Variants in ADGRG4 observed in about 807,000 individuals in gnomAD.
ADGRG4 encodes the protein G protein-coupled receptor 112.
ADGRG4 carries 122 observed loss-of-function variants against 126.2 expected under a neutral mutation model. The observed-to-expected ratio is 0.97, with a 90% CI of 0.83 to 1.12. The LOEUF (loss-of-function observed/expected upper bound fraction) is 1.12, where lower values mean the gene tolerates loss of function less well. Among genes scored for constraint, ADGRG4 ranks in the 50% most tolerant of loss-of-function variants. The probability of loss-of-function intolerance (pLI) is 0.00; values close to 1 mark genes in which losing one functional copy is unlikely to be tolerated. For missense variants in ADGRG4, 2,481 were observed against 2,251.8 expected, an observed-to-expected ratio of 1.10 and a Z score of -2.06; for synonymous variants, 943 against 838.7, an observed-to-expected ratio of 1.12 and a Z score of -2.15.
intron 13 of ADGRG4, among the ~76,000 whole-genome samples, chrX:136,368,719 G>C (rs1374561707): frequency 8.9e-6 from 1 of 112,418 alleles, no homozygotes; most frequent in Admixed American, 9.4e-5. Context: ...AGATATATTA[G>C]ATATGTAAAT....
At chrX:136,395,573 A>T in intron 19 of ADGRG4, 80 bp downstream of exon 19, 1 of 508,981 alleles carries the variant, frequency 2.0e-6, no homozygotes, top group Non-Finnish European at 3.2e-6. Flanking sequence ...AACTGTTATT[A>T]AAAAATGGTA....
In ADGRG4 at chrX:136,387,706, A is replaced by G. The variant is rs2075299276; in HGVS notation, c.7777-34A>G. On this transcript the variant is annotated intron_variant, in intron 15 of 25. Coordinates refer to ENST00000394143, the MANE Select transcript of ADGRG4 (RefSeq NM_153834.4). ...CAGGACTTCACTATGATGAATGAAG[A>G]CTCCAATTTTCATTTTTTGGCTTTT... 2.5e-6 allele frequency: 3 copies of G among 1,190,120 alleles called. No individual in the cohort carries two copies. In the Admixed American group the frequency reaches 6.8e-5, roughly 27 times the overall value.
intron 2 of ADGRG4, among the ~76,000 whole-genome samples, chrX:136,304,644 A>G (rs962089651): frequency 8.9e-6 from 1 of 112,357 alleles, no homozygotes; most frequent in Non-Finnish European, 1.9e-5. Context: ...ACACTCTAGT[A>G]GGGGAGAAAG....
At position 136,359,379 on chromosome X, in the gene ADGRG4, C is replaced by A; in HGVS notation, c.7068C>A (p.Asn2356Lys). The A allele has an allele frequency of 5.8e-6, 7 of 1,207,348 alleles. No homozygotes were observed. Among genetic ancestry groups the A allele is most frequent in the Non-Finnish European group, 7.8e-6 (7 of 891,751 alleles). The change falls in exon 11 of 26, where the codon AAC becomes AAA. Residue 2356 changes from asparagine to lysine, a missense_variant. By Grantham distance (94) the Asn-to-Lys change is moderately conservative. Coordinates refer to ENST00000394143, the MANE Select transcript of ADGRG4 (RefSeq NM_153834.4). ...MRKIKSKIHGNFTHGNFTQDQ... is the reference protein window; with the variant it reads ...MRKIKSKIHGKFTHGNFTQDQ... ...AAATCAAAAGTAAAATACATGGCAA[C>A]TTCACACATGGAAACTTCACACAAG...
chrX:136,342,921 T>TGTGTGTGAGAGA (rs1251871214), intron 5 of ADGRG4, among the ~76,000 whole-genome samples: 40 of 84,306 alleles, frequency 4.7e-4, no homozygotes, highest in Admixed American at 5.4e-4. Flanking sequence ...TGTGTGTGTG[T>TGTGTGTGAGAGA]GAGAGAGAGA....
intron 23 of ADGRG4, among the ~76,000 whole-genome samples, chrX:136,406,792 G>A (rs528986804): frequency 1.8e-5 from 2 of 110,485 alleles, no homozygotes; most frequent in East Asian, 5.7e-4. Flanking sequence ...GTGTGTGCCT[G>A]TAGTCCCAGC....
In ADGRG4 at chrX:136,393,586, T is replaced by C. The variant is rs745526835; in HGVS notation, c.8080+6T>C. The C allele has an allele frequency of 8.4e-7, 1 of 1,188,000 alleles. No individual in the cohort carries two copies. Among genetic ancestry groups the C allele is most frequent in the South Asian group, 1.8e-5 (1 of 55,601 alleles). On this transcript the variant is annotated splice_donor_region_variant and intron_variant, in intron 18 of 25. Transcript: ENST00000394143. ...TTGGGATTTTGAGAATAATAGTAAGTATTTTTGTTAGCAACTTTGACTTTG... is the reference window on the plus strand; with the variant it reads ...TTGGGATTTTGAGAATAATAGTAAGCATTTTTGTTAGCAACTTTGACTTTG...
chrX:136,317,567 A>G lies in ADGRG4; in HGVS notation c.71-5211A>G, dbSNP rs181578341. ...TGACACCAAAAGCATGAGCAATAAA[A>G]GAAAAGAAAAATTCGATACATTGAA... On this transcript the variant is annotated intron_variant, in intron 4 of 25. Transcript: ENST00000394143. Among the ~76,000 whole-genome samples the G allele has an allele frequency of 1.0e-4, 11 of 110,464 alleles. No individual in the cohort carries two copies. In the East Asian group the frequency reaches 2.5e-3, roughly 25 times the overall value.
intron 20 of ADGRG4, among the ~76,000 whole-genome samples, chrX:136,399,351 G>A (rs1184675090): frequency 1.8e-5 from 2 of 111,879 alleles, no homozygotes; most frequent in Non-Finnish European, 3.8e-5. Context: ...ATAATCAAAG[G>A]GGGTAATACT....
At chrX:136,389,812 C>A (rs1476078752) in intron 16 of ADGRG4, among the ~76,000 whole-genome samples, 1 of 112,071 alleles carries the variant, frequency 8.9e-6, no homozygotes, top group Non-Finnish European at 1.9e-5. Context: ...TCTCATGGAA[C>A]TTCCAGTCTG....
chrX:136,352,860 T>G (rs2075071029), intron 7 of ADGRG4, among the ~76,000 whole-genome samples: 1 of 112,217 alleles, frequency 8.9e-6, no homozygotes, highest in Admixed American at 9.4e-5. Flanking sequence ...CAACAGATGT[T>G]TATTTTCTCA....
chrX:136,402,162 A>G (rs2075382782), intron 21 of ADGRG4, among the ~76,000 whole-genome samples: 1 of 112,624 alleles, frequency 8.9e-6, no homozygotes, highest in African/African-American at 3.2e-5. Context: ...TGCCAAAGCA[A>G]CCTGTTGGAA....
intron 5 of ADGRG4, among the ~76,000 whole-genome samples, chrX:136,326,642 G>T (rs1205474995): frequency 1.8e-5 from 2 of 111,110 alleles, no homozygotes; most frequent in African/African-American, 6.6e-5. Flanking sequence ...GTCATTGCCT[G>T]CCTCACCACT....
rs2075022584 is a variant in ADGRG4, at chrX:136,347,078, T to C, written c.3372T>C (p.Ala1124=). The C allele has an allele frequency of 1.7e-6, 2 of 1,210,851 alleles. No homozygotes were observed. Among genetic ancestry groups the C allele is most frequent in the East Asian group, 5.9e-5 (2 of 33,835 alleles). The part of the protein sequence containing the change: ...LRLSTPVTAK[A]ETTLFSTSVD... ...TCTCCACTCCTGTGACAGCTAAGGC[T>C]GAGACCACCCTTTTCTCTACCTCAG... The change falls in exon 6 of 26, where the codon GCT becomes GCC. Residue 1124 remains alanine (A), a synonymous_variant. Transcript: ENST00000394143.
At chrX:136,394,329 G>T (rs1569336460) in intron 18 of ADGRG4, among the ~76,000 whole-genome samples, 1 of 112,014 alleles carries the variant, frequency 8.9e-6, no homozygotes, top group East Asian at 2.8e-4. Context: ...CCAAATCTCA[G>T]AGAATTTCCA....
rs750135894 is a variant in ADGRG4 at position 136,349,366 on chromosome X, C to T, written c.5660C>T (p.Thr1887Ile). The change falls in exon 6 of 26, where the codon ACA becomes ATA. Residue 1887 changes from threonine to isoleucine, a missense_variant. Physicochemically the swap from Thr to Ile is moderately conservative, Grantham distance 89 (BLOSUM62 -1). Coordinates refer to ENST00000394143, the MANE Select transcript of ADGRG4 (RefSeq NM_153834.4). ...PLLMTSWNIP[T>I]AEGSQFPIST... ...CTTATGACTTCCTGGAACATACCCA[C>T]AGCTGAAGGTTCTCAGTTTCCAATT... is the stretch of plus-strand genomic sequence containing the variant. 2 of 1,204,204 alleles carry T rather than the reference C, an allele frequency of 1.7e-6. No individual in the cohort carries two copies. The highest frequency in any genetic ancestry group is 2.2e-6 in the Non-Finnish European group (2 of 890,283).
intron 5 of ADGRG4, among the ~76,000 whole-genome samples, chrX:136,343,856 C>T (rs1208697299): frequency 9.0e-6 from 1 of 111,567 alleles, no homozygotes; most frequent in Non-Finnish European, 1.9e-5. Context: ...GAGGAGGAAA[C>T]TGAAGCACGG....
At chrX:136,334,806 G>C (rs900051525) in intron 5 of ADGRG4, among the ~76,000 whole-genome samples, 1 of 111,819 alleles carries the variant, frequency 8.9e-6, no homozygotes, top group Non-Finnish European at 1.9e-5. Flanking sequence ...TATAAGTTCT[G>C]GTAGATTTTT....
At chrX:136,356,670 G>A (rs192687031) in intron 9 of ADGRG4, among the ~76,000 whole-genome samples, 22 of 111,605 alleles carry the variant, frequency 2.0e-4, no homozygotes, top group African/African-American at 6.5e-4. Context: ...TTAAGTGTGA[G>A]GTAAGTATTT....
Sources: gnomAD v4.1 joint callset for allele counts (sites outside exome capture counted in the v4.1 genomes callset) on GRCh38, gnomAD v4.1.1 for gene constraint, MANE v1.5 for transcripts, NCBI Gene and HGNC (gene_info 2026-07-23, HGNC 2026-07-21) for gene names.